The following GRIK2 variants were observed in gnomAD, a reference collection of about 807,000 sequenced individuals.
GRIK2 encodes glutamate receptor ionotropic, kainate 2.
In GRIK2, 32 loss-of-function variants were observed where a neutral mutation model predicts 100.3. The observed-to-expected ratio is 0.32, with a 90% CI of 0.24 to 0.43. The LOEUF (loss-of-function observed/expected upper bound fraction) is 0.43, where lower values mean the gene tolerates loss of function less well. Among genes scored for constraint, GRIK2 ranks in the 20% least tolerant of loss-of-function variants. The pLI is 1.00. For synonymous variants in GRIK2, 417 were observed against 389.4 expected (o/e 1.07, Z -0.83); for missense variants, 843 against 1,114.9 (o/e 0.76, Z 3.47).
At chr6:101,479,180 A>G (rs1432231034) in intron 2 of GRIK2, among the ~76,000 whole-genome samples, 2 of 152,350 alleles carry the variant, frequency 1.3e-5, no homozygotes, top group African/African-American at 2.4e-5. Flanking sequence ...CTGTTGCTAC[A>G]GTCACTAATC....
rs9485578 is a variant in GRIK2, at chr6:101,980,467, G to C, written c.2085+51835G>C. Among the ~76,000 whole-genome samples the C allele has an allele frequency of 8.1e-3, 1,234 of 151,976 alleles. 18 individuals are homozygous for C. The highest frequency in any genetic ancestry group is 0.029 in the African/African-American group (1,199 of 41,520). ...AAAGCAGGGGAGGAATATAAGAGCA[G>C]TATTATGGCTAACTTAAGACTTTTT... On this transcript the variant is annotated intron_variant, in intron 14 of 16. Transcript: ENST00000369134.
chr6:102,037,489 G>A (rs891580037), intron 15 of GRIK2, among the ~76,000 whole-genome samples: 17 of 151,354 alleles, frequency 1.1e-4, no homozygotes, highest in African/African-American at 4.1e-4. Context: ...AGTGCATAAT[G>A]ATACTGGATG....
chr6:101,928,154 T>G, intron 13 of GRIK2: 1 of 437,608 alleles, frequency 2.3e-6, no homozygotes. Flanking sequence ...ATTAATATTT[T>G]AATTGGAACT....
At chr6:101,922,092 C>CCT (rs1554286835) in intron 12 of GRIK2, among the ~76,000 whole-genome samples, 1 of 30,834 alleles carries the variant, frequency 3.2e-5, no homozygotes, top group African/African-American at 1.5e-4. Flanking sequence ...TCCTTCCTTC[C>CCT]TTCCTTCCTT....
chr6:101,953,727 G>A (rs891583550), intron 14 of GRIK2, among the ~76,000 whole-genome samples: 6 of 151,894 alleles, frequency 4.0e-5, no homozygotes, highest in Admixed American at 1.3e-4. Flanking sequence ...TTTGTTCATC[G>A]TGTCCTTTGA....
At chr6:101,707,513 G>T (rs1773389766) in intron 7 of GRIK2, among the ~76,000 whole-genome samples, 1 of 142,288 alleles carries the variant, frequency 7.0e-6, no homozygotes, top group African/African-American at 2.6e-5. Flanking sequence ...ATATGTAATA[G>T]AATTGTGAAA....
intron 11 of GRIK2, among the ~76,000 whole-genome samples, chr6:101,885,263 C>G (rs143565844): frequency 6.6e-6 from 1 of 151,886 alleles, no homozygotes; most frequent in East Asian, 1.9e-4. Flanking sequence ...ATAGAGTATT[C>G]AGGAGGAAAA....
rs372593678 is a variant in GRIK2 at position 101,449,102 on chromosome 6, A to G, written c.115+49710A>G. 3.3e-5 allele frequency among the ~76,000 whole-genome samples: 5 copies of G among 151,820 alleles called. No individual in the cohort carries two copies. In the South Asian group the frequency reaches 8.3e-4, roughly 25 times the overall value. ...TAAAGAAAATTGACAAAAGACATGA[A>G]GAGAAATAATTCACATATCAAGAAA... On this transcript the variant is annotated intron_variant, in intron 2 of 16. Coordinates refer to ENST00000369134, the MANE Select transcript of GRIK2 (RefSeq NM_021956.5).
Position 101,936,235 on chromosome 6 carries a change from G to C in GRIK2, c.2085+7603G>C, listed in dbSNP as rs560375943. 2.0e-5 allele frequency among the ~76,000 whole-genome samples: 3 copies of C among 151,860 alleles called. No individual in the cohort carries two copies. In the South Asian group the frequency reaches 6.2e-4, roughly 31 times the overall value. On this transcript the variant is annotated intron_variant, in intron 14 of 16. Transcript: ENST00000369134. ...ATTGTCCATCAGACATTTTTTTCTA[G>C]AAGTCTGGAAGAAATATCGCAGTAA...
At chr6:101,457,421 G>A (rs886744555) in intron 2 of GRIK2, among the ~76,000 whole-genome samples, 6 of 152,038 alleles carry the variant, frequency 3.9e-5, no homozygotes, top group Non-Finnish European at 7.4e-5. Context: ...CAAATTAATA[G>A]TATGGCACTT....
At chr6:101,755,161 G>GTTTTTTTTTTT (rs1157640683) in intron 7 of GRIK2, among the ~76,000 whole-genome samples, 11 of 102,958 alleles carry the variant, frequency 1.1e-4, no homozygotes, top group Non-Finnish European at 1.5e-4. Context: ...TTTCTTTTTG[G>GTTTTTTTTTTT]TTTTTTTTTT....
At chr6:101,510,746 A>C (rs1582611970) in intron 2 of GRIK2, among the ~76,000 whole-genome samples, 1 of 145,536 alleles carries the variant, frequency 6.9e-6, no homozygotes, top group South Asian at 2.2e-4. Context: ...CTGGTCTTGA[A>C]CTCCTGGCCT....
intron 2 of GRIK2, among the ~76,000 whole-genome samples, chr6:101,542,970 G>T (rs1164653006): frequency 6.6e-6 from 1 of 152,024 alleles, no homozygotes; most frequent in East Asian, 1.9e-4. Context: ...TTCTCTTAAT[G>T]GATAATGACA....
chr6:101,555,194 C>T (rs1290316157), intron 2 of GRIK2, among the ~76,000 whole-genome samples: 6 of 152,150 alleles, frequency 3.9e-5, no homozygotes, highest in Admixed American at 3.9e-4. Context: ...TACTTTTATG[C>T]TAGTGCCTCA....
chr6:101,557,539 GTTTTC>G (rs767656548), intron 2 of GRIK2, among the ~76,000 whole-genome samples: 8 of 152,062 alleles, frequency 5.3e-5, no homozygotes, highest in Non-Finnish European at 1.2e-4. Flanking sequence ...ATAAAGTGGG[GTTTTC>G]TTTTATTTCT....
intron 14 of GRIK2, among the ~76,000 whole-genome samples, chr6:101,943,554 G>A (rs1468324660): frequency 6.6e-6 from 1 of 152,196 alleles, no homozygotes; most frequent in Non-Finnish European, 1.5e-5. Flanking sequence ...AAGCAAAGCT[G>A]CCCAGGCCTT....
intron 15 of GRIK2, among the ~76,000 whole-genome samples, chr6:102,043,139 C>T (rs184440414): frequency 2.6e-4 from 40 of 151,494 alleles, no homozygotes; most frequent in East Asian, 7.8e-4. Flanking sequence ...AATTAGAATG[C>T]GTTTATATTA....
At chr6:101,596,077 CAG>C (rs1431153672) in intron 2 of GRIK2, among the ~76,000 whole-genome samples, 7 of 150,844 alleles carry the variant, frequency 4.6e-5, no homozygotes, top group Non-Finnish European at 8.9e-5. Flanking sequence ...TCATGAATCA[CAG>C]AGCAAACAAC....
chr6:101,435,959 T>G (rs1769692460), intron 2 of GRIK2, among the ~76,000 whole-genome samples: 1 of 152,150 alleles, frequency 6.6e-6, no homozygotes, highest in Admixed American at 6.6e-5. Flanking sequence ...TTTGTTTCTT[T>G]ATTCTTCCCT....
Sources: allele counts gnomAD v4.1 joint callset (sites outside exome capture counted in the v4.1 genomes callset), GRCh38; gene constraint gnomAD v4.1.1; transcripts MANE v1.5; gene names NCBI Gene and HGNC (gene_info 2026-07-23, HGNC 2026-07-21).